Variants in ALK observed in about 807,000 individuals in gnomAD.
ALK encodes the protein ALK tyrosine kinase receptor.
A neutral mutation model predicts 163.1 loss-of-function variants in ALK; 74 were observed. The ratio of observed to expected loss-of-function variants is 0.45; its 90% confidence interval spans 0.38 to 0.55. The LOEUF is 0.55. ALK is among the 20% of genes least tolerant of loss of function. The pLI, the probability that ALK is intolerant of heterozygous loss-of-function variation, is 0.00. For synonymous variants in ALK, 960 were observed against 843.2 expected (o/e 1.14, Z -2.40); for missense variants, 2,063 against 2,105.3 (o/e 0.98, Z 0.39).
At chr2:29,665,833 T>C (rs1427747536) in intron 3 of ALK, among the ~76,000 whole-genome samples, 1 of 152,154 alleles carries the variant, frequency 6.6e-6, no homozygotes, top group East Asian at 1.9e-4. Context: ...AATGATTTTT[T>C]TTTTCATTAA....
intron 9 of ALK, among the ~76,000 whole-genome samples, chr2:29,283,228 A>G (rs1168997366): frequency 6.6e-6 from 1 of 152,112 alleles, no homozygotes; most frequent in East Asian, 1.9e-4. Context: ...TCCCTGGCCA[A>G]TTTTCCCATC....
chr2:29,422,966 A>G (rs1670053340), intron 4 of ALK, among the ~76,000 whole-genome samples: 1 of 147,562 alleles, frequency 6.8e-6, no homozygotes, highest in African/African-American at 2.5e-5. Context: ...AAGAGATCTT[A>G]CCTGGAAATG....
intron 3 of ALK, among the ~76,000 whole-genome samples, chr2:29,578,606 C>T (rs1179353160): frequency 6.6e-6 from 1 of 152,208 alleles, no homozygotes; most frequent in Non-Finnish European, 1.5e-5. Context: ...CTCTGGCTTT[C>T]TTCCTTGTCT....
intron 1 of ALK, among the ~76,000 whole-genome samples, chr2:29,880,697 A>T (rs1181080456): frequency 1.3e-5 from 2 of 152,176 alleles, no homozygotes; most frequent in Admixed American, 6.5e-5. Flanking sequence ...GTGCTTGGTT[A>T]TGGGAAAGCC....
chr2:29,212,202 G>GAGC, intron 24 of ALK, among the ~76,000 whole-genome samples: 1 of 152,316 alleles, frequency 6.6e-6, no homozygotes, highest in Non-Finnish European at 1.5e-5. Context: ...TAGGAGTCTA[G>GAGC]ACTTAAAGCA....
chr2:29,360,601 T>C (rs1011179223), intron 5 of ALK, among the ~76,000 whole-genome samples: 2 of 152,156 alleles, frequency 1.3e-5, no homozygotes, highest in African/African-American at 2.4e-5. Context: ...TGTTAGGTGA[T>C]GTGAGAATAC....
At chr2:29,539,323 A>T (rs1319350585) in intron 3 of ALK, among the ~76,000 whole-genome samples, 1 of 152,194 alleles carries the variant, frequency 6.6e-6, no homozygotes, top group Non-Finnish European at 1.5e-5. Flanking sequence ...TACTTGTCAA[A>T]ATTGTGGCAC....
intron 4 of ALK, among the ~76,000 whole-genome samples, chr2:29,518,347 G>T (rs1266002238): frequency 6.6e-6 from 1 of 152,202 alleles, no homozygotes; most frequent in African/African-American, 2.4e-5. Flanking sequence ...TGATGTGAAA[G>T]CTGGGGCCAG....
At chr2:29,550,201 A>G (rs1476606197) in intron 3 of ALK, among the ~76,000 whole-genome samples, 1 of 152,206 alleles carries the variant, frequency 6.6e-6, no homozygotes. Flanking sequence ...CTGCATTTTA[A>G]TTTGCAACAA....
At chr2:29,324,449 C>T (rs949913654) in intron 6 of ALK, among the ~76,000 whole-genome samples, 7 of 152,132 alleles carry the variant, frequency 4.6e-5, no homozygotes, top group African/African-American at 1.4e-4. Flanking sequence ...GGATTATGGG[C>T]GATAGTTATT....
intron 3 of ALK, among the ~76,000 whole-genome samples, chr2:29,537,316 C>A (rs576708521): frequency 6.6e-6 from 1 of 152,230 alleles, no homozygotes; most frequent in African/African-American, 2.4e-5. Flanking sequence ...AGGGGCCAGG[C>A]CCAGGGTGCT....
rs1173306234 is a variant in ALK at position 29,439,692 on chromosome 2, A to C, written c.1155-55833T>G. 2.5e-4 allele frequency among the ~76,000 whole-genome samples: 3 copies of C among 11,938 alleles called. No homozygotes were observed. The Non-Finnish European group carries it at 3.0e-3, about 12-fold the overall frequency. 7.8% of individuals were successfully genotyped at this position (11,938 alleles called of 152,430 possible). The stretch of plus-strand genomic sequence containing the variant: ...GGGACTGGTGTTCTTGTTAAAAAAA[A>C]AAAAAAAAAAAAGGATGGGAGATAC... On this transcript the variant is annotated intron_variant, in intron 4 of 28. Transcript: ENST00000389048.
intron 3 of ALK, among the ~76,000 whole-genome samples, chr2:29,694,585 G>A (rs564652077): frequency 2.1e-4 from 32 of 152,276 alleles, no homozygotes; most frequent in African/African-American, 7.5e-4. Flanking sequence ...ACTTTCTCCT[G>A]CAGGGAAATC....
At chr2:29,793,661 T>C (rs1664240263) in intron 1 of ALK, among the ~76,000 whole-genome samples, 1 of 152,150 alleles carries the variant, frequency 6.6e-6, no homozygotes, top group South Asian at 2.1e-4. Context: ...CTTGTACATC[T>C]CCATCAGAGC....
At chr2:29,666,711 T>TA (rs1306743177) in intron 3 of ALK, among the ~76,000 whole-genome samples, 13 of 152,008 alleles carry the variant, frequency 8.6e-5, no homozygotes, top group Non-Finnish European at 1.2e-4. Flanking sequence ...CTTATTCTTT[T>TA]AAAAAAAATT....
intron 1 of ALK, among the ~76,000 whole-genome samples, chr2:29,807,797 C>T (rs1323262993): frequency 6.6e-6 from 1 of 152,210 alleles, no homozygotes; most frequent in Non-Finnish European, 1.5e-5. Flanking sequence ...TATGGCATCT[C>T]ACTGTAGATG....
chr2:29,655,430 G>T (rs958837132), intron 3 of ALK, among the ~76,000 whole-genome samples: 4 of 152,034 alleles, frequency 2.6e-5, no homozygotes, highest in Non-Finnish European at 5.9e-5. Context: ...CATTTTTTGG[G>T]GGTAAAAGAA....
chr2:29,221,177 C>T (rs753397260), intron 22 of ALK: 14 of 547,628 alleles, frequency 2.6e-5, no homozygotes, highest in East Asian at 4.0e-5. Flanking sequence ...AATTCATGGT[C>T]GATTTCTCCC....
intron 1 of ALK, among the ~76,000 whole-genome samples, chr2:29,743,079 T>C (rs1680105360): frequency 1.3e-5 from 2 of 152,222 alleles, no homozygotes; most frequent in South Asian, 4.1e-4. Flanking sequence ...CAAGTTGTGC[T>C]CTTTCTGGGC....
Sources: gnomAD v4.1 joint callset for allele counts (sites outside exome capture counted in the v4.1 genomes callset) on GRCh38, gnomAD v4.1.1 for gene constraint, MANE v1.5 for transcripts, NCBI Gene and HGNC (gene_info 2026-07-23, HGNC 2026-07-21) for gene names.